Variants in MYO3A observed in about 807,000 individuals in gnomAD.
MYO3A encodes the protein myosin-IIIa.
A neutral mutation model predicts 192.7 loss-of-function variants in MYO3A; 180 were observed. The observed-to-expected ratio is 0.93, with a 90% CI of 0.83 to 1.06. The LOEUF (loss-of-function observed/expected upper bound fraction) is 1.06. MYO3A is among the 50% of genes least tolerant of loss of function. MYO3A has a pLI of 0.00. For missense variants in MYO3A, 1,896 were observed against 1,905.0 expected (o/e 1.00, Z 0.09); for synonymous variants, 628 against 645.3 (o/e 0.97, Z 0.41).
At chr10:25,934,612 G>T (rs1279884537) in intron 1 of MYO3A, among the ~76,000 whole-genome samples, 1 of 151,272 alleles carries the variant, frequency 6.6e-6, no homozygotes, top group Non-Finnish European at 1.5e-5. Context: ...GGGAGAGCTC[G>T]AGGGGAGGAG....
At chr10:26,044,276 G>A (rs1477269160) in intron 10 of MYO3A, among the ~76,000 whole-genome samples, 1 of 152,256 alleles carries the variant, frequency 6.6e-6, no homozygotes, top group African/African-American at 2.4e-5. Flanking sequence ...TGTGCAGCCT[G>A]TCATTGGAGA....
intron 4 of MYO3A, among the ~76,000 whole-genome samples, chr10:25,959,720 A>T (rs1431245100): frequency 6.6e-6 from 1 of 151,760 alleles, no homozygotes; most frequent in Non-Finnish European, 1.5e-5. Flanking sequence ...CTCCCAGATT[A>T]CCCATTTTGC....
intron 4 of MYO3A, among the ~76,000 whole-genome samples, chr10:25,965,909 T>G (rs1482172765): frequency 6.6e-6 from 1 of 151,816 alleles, no homozygotes; most frequent in African/African-American, 2.4e-5. Flanking sequence ...ACCCATTGGC[T>G]ACCGGGGTAG....
intron 17 of MYO3A, among the ~76,000 whole-genome samples, chr10:26,119,330 G>A (rs941072915): frequency 6.6e-6 from 1 of 151,808 alleles, no homozygotes; most frequent in African/African-American, 2.4e-5. Flanking sequence ...GCCTCCCCAC[G>A]GCCTGAACAC....
At chr10:26,051,485 G>GT (rs1285093329) in intron 10 of MYO3A, among the ~76,000 whole-genome samples, 1 of 149,704 alleles carries the variant, frequency 6.7e-6, no homozygotes, top group Non-Finnish European at 1.5e-5. Flanking sequence ...TTATGGTTTA[G>GT]TTTTTTAAAA....
chr10:26,158,276 G>A (rs957144036), intron 26 of MYO3A, among the ~76,000 whole-genome samples: 1 of 149,280 alleles, frequency 6.7e-6, no homozygotes, highest in Non-Finnish European at 1.5e-5. Context: ...TTTTTGAGAC[G>A]GAGTCTGGCT....
chr10:26,146,785 C>G (rs1840488105), intron 22 of MYO3A, among the ~76,000 whole-genome samples: 1 of 152,148 alleles, frequency 6.6e-6, no homozygotes, highest in Admixed American at 6.5e-5. Context: ...GGATCATTTC[C>G]ACAAAAATCT....
intron 4 of MYO3A, among the ~76,000 whole-genome samples, chr10:25,955,611 A>G (rs1837489533): frequency 6.6e-6 from 1 of 152,190 alleles, no homozygotes. Flanking sequence ...AGGCAGGAGT[A>G]CTAGCAGCTC....
chr10:26,125,007 A>AAGTAACCTGTTC (rs1165362798), intron 18 of MYO3A, among the ~76,000 whole-genome samples: 12 of 152,230 alleles, frequency 7.9e-5, no homozygotes, highest in South Asian at 2.1e-4. Context: ...GTTAATTTCT[A>AAGTAACCTGTTC]CATTTTGAAA....
At chr10:26,125,756 T>A in intron 19 of MYO3A, 148 bp downstream of exon 19, 1 of 772,666 alleles carries the variant, frequency 1.3e-6, no homozygotes, top group Non-Finnish European at 2.1e-6. Context: ...TAGATAAGCT[T>A]CACTTCCTAA....
intron 34 of MYO3A, among the ~76,000 whole-genome samples, chr10:26,208,950 T>G (rs368276544): frequency 9.2e-5 from 14 of 152,214 alleles, no homozygotes; most frequent in East Asian, 7.7e-4. Context: ...CACTTAAAAT[T>G]ATGGCCACTC....
intron 20 of MYO3A, among the ~76,000 whole-genome samples, chr10:26,137,204 G>C (rs1476456472): frequency 1.3e-5 from 2 of 152,200 alleles, no homozygotes; most frequent in African/African-American, 4.8e-5. Flanking sequence ...AGAAATGTAG[G>C]TTATTCTATA....
intron 10 of MYO3A, among the ~76,000 whole-genome samples, chr10:26,054,860 A>G (rs921915401): frequency 9.2e-5 from 14 of 152,220 alleles, no homozygotes; most frequent in Admixed American, 8.5e-4. Context: ...TTCCAGATGA[A>G]ACTGATTTGG....
At chr10:26,134,304 T>C (rs946643031) in intron 20 of MYO3A, among the ~76,000 whole-genome samples, 5 of 152,186 alleles carry the variant, frequency 3.3e-5, no homozygotes, top group African/African-American at 1.2e-4. Context: ...TTGTGTCATC[T>C]CAAGTTAATG....
chr10:25,936,749 T>G (rs1247358547), intron 2 of MYO3A, among the ~76,000 whole-genome samples: 1 of 152,204 alleles, frequency 6.6e-6, no homozygotes, highest in East Asian at 1.9e-4. Flanking sequence ...ATTATGACCT[T>G]AAAAACTTTC....
Position 25,996,556 on chromosome 10 carries a change from G to A in MYO3A, c.370G>A (p.Glu124Lys), listed in dbSNP as rs1174217014. 2 of 1,613,708 alleles carry A rather than the reference G, an allele frequency of 1.2e-6. No homozygotes were observed. The highest frequency in any genetic ancestry group is 1.7e-6 in the Non-Finnish European group (2 of 1,179,852). ...GFLKRGERMS[E>K]PLIAYILHEA... ...TCTGAAGAGGGGTGAAAGAATGAGT[G>A]AGCCTCTAATTGCCTATATTTTACA... Residue 124 changes from glutamate to lysine, a missense_variant, in exon 5 of 35, where the codon GAG (glutamate) becomes AAG (lysine). Coordinates refer to ENST00000642920, the MANE Select transcript of MYO3A (RefSeq NM_017433.5).
intron 17 of MYO3A, among the ~76,000 whole-genome samples, chr10:26,105,690 G>A (rs1223275720): frequency 6.6e-6 from 1 of 151,956 alleles, no homozygotes; most frequent in East Asian, 1.9e-4. Context: ...CCATAATGAA[G>A]TTCTAAATTT....
chr10:26,034,323 G>T (rs895252366), intron 10 of MYO3A, among the ~76,000 whole-genome samples: 3 of 152,212 alleles, frequency 2.0e-5, no homozygotes, highest in South Asian at 2.1e-4. Context: ...AAGAGTGGGT[G>T]CCCAGACCTT....
intron 17 of MYO3A, among the ~76,000 whole-genome samples, chr10:26,097,112 T>G (rs1564544866): frequency 1.3e-5 from 2 of 152,094 alleles, no homozygotes; most frequent in South Asian, 4.1e-4. Flanking sequence ...TGTGTATTCA[T>G]GACCATAATC....
Sources: allele counts gnomAD v4.1 joint callset (sites outside exome capture counted in the v4.1 genomes callset), GRCh38; gene constraint gnomAD v4.1.1; transcripts MANE v1.5; gene names NCBI Gene and HGNC (gene_info 2026-07-23, HGNC 2026-07-21).